DCUN1D4: variants seen among roughly 807,000 people sequenced by gnomAD.
DCUN1D4 encodes defective in cullin neddylation 1 domain containing 4, also known as DCN1-like protein 4.
Under a neutral mutation model 47.9 loss-of-function variants are expected in DCUN1D4, and 22 were observed. That is an observed-to-expected ratio of 0.46 (90% confidence interval 0.33 to 0.66). The LOEUF (loss-of-function observed/expected upper bound fraction) is 0.66, where lower values mean the gene tolerates loss of function less well. DCUN1D4 is among the 30% of genes least tolerant of loss of function. DCUN1D4 has a pLI of 0.02. For synonymous variants in DCUN1D4, 121 were observed against 112.2 expected (o/e 1.08, Z -0.50); for missense variants, 301 against 340.8 (o/e 0.88, Z 0.92).
chr4:51,842,137 ACCAAAATT>A (rs1374242059), upstream of DCUN1D4, among the ~76,000 whole-genome samples: 4 of 152,246 alleles, frequency 2.6e-5, no homozygotes, highest in Non-Finnish European at 5.9e-5. Flanking sequence ...AGAAGAATTC[ACCAAAATT>A]AACGTCTCCC....
chr4:51,910,995 G>A, intron 8 of DCUN1D4, 75 bp from the exon 9 acceptor site: 1 of 1,383,674 alleles, frequency 7.2e-7, no homozygotes, highest in Non-Finnish European at 1.0e-6. Context: ...CTGTTGAAGT[G>A]AATACACATT....
chr4:51,888,032 G>T (rs1451757606), intron 6 of DCUN1D4, among the ~76,000 whole-genome samples: 1 of 151,720 alleles, frequency 6.6e-6, no homozygotes, highest in Non-Finnish European at 1.5e-5. Context: ...CACAAGAAAA[G>T]ACCATTACAT....
At chr4:51,898,784 C>G (rs1314269167) in intron 7 of DCUN1D4, among the ~76,000 whole-genome samples, 1 of 152,162 alleles carries the variant, frequency 6.6e-6, no homozygotes. Context: ...CTTCTAGAGA[C>G]TAAGGAAATA....
rs1164858896 is a variant in DCUN1D4 at position 51,912,308 on chromosome 4, C to CT, written c.721-979dup. Reference sequence around the variant, plus strand: ...AAGACCTGGCCTGGAGGAAATCTGACTTTGTGTAATTCCAGGTGCATCATC... The same window carrying CT: ...AAGACCTGGCCTGGAGGAAATCTGACTTTTGTGTAATTCCAGGTGCATCATC... On this transcript the variant is annotated intron_variant, in intron 9 of 10. Coordinates refer to ENST00000334635, the MANE Select transcript of DCUN1D4 (RefSeq NM_001040402.3). Among the ~76,000 whole-genome samples, 5 of 152,250 alleles carry CT rather than the reference C, an allele frequency of 3.3e-5. No individual in the cohort carries two copies. The South Asian group carries it at 8.3e-4, about 25-fold the overall frequency.
chr4:51,900,460 G>A (rs567318585), intron 8 of DCUN1D4, among the ~76,000 whole-genome samples: 13 of 152,298 alleles, frequency 8.5e-5, no homozygotes, highest in Non-Finnish European at 1.5e-4. Context: ...CAGGCCAGAT[G>A]CAGTGGCTCA....
intron 1 of DCUN1D4, among the ~76,000 whole-genome samples, chr4:51,844,639 T>C (rs914164100): frequency 6.6e-6 from 1 of 150,986 alleles, no homozygotes; most frequent in Admixed American, 6.6e-5. Flanking sequence ...CTTAGAGGGA[T>C]GGCCGGGCCC....
upstream of DCUN1D4, among the ~76,000 whole-genome samples, chr4:51,840,767 G>A (rs1426463340): frequency 6.6e-6 from 1 of 152,260 alleles, no homozygotes; most frequent in East Asian, 1.9e-4. Flanking sequence ...AAATGACCAG[G>A]TAATATTTGC....
chr4:51,859,573 C>T (rs1350351090), intron 1 of DCUN1D4, among the ~76,000 whole-genome samples: 1 of 146,404 alleles, frequency 6.8e-6, no homozygotes, highest in Non-Finnish European at 1.5e-5. Context: ...TGGACTTTGA[C>T]CCCCTCAATG....
chr4:51,908,247 T>C (rs1733193060), intron 8 of DCUN1D4, among the ~76,000 whole-genome samples: 1 of 152,220 alleles, frequency 6.6e-6, no homozygotes, highest in South Asian at 2.1e-4. Flanking sequence ...GTTTGTATTA[T>C]TATTTGAAAA....
chr4:51,854,091 A>T (rs568316942), intron 1 of DCUN1D4, among the ~76,000 whole-genome samples: 1 of 152,338 alleles, frequency 6.6e-6, no homozygotes, highest in African/African-American at 2.4e-5. Flanking sequence ...GGTTTTTCCT[A>T]GATTTACAGT....
At chr4:51,838,646 GT>G (rs1721555589), upstream of DCUN1D4, among the ~76,000 whole-genome samples, 1 of 152,174 alleles carries the variant, frequency 6.6e-6, no homozygotes, top group African/African-American at 2.4e-5. Context: ...GCCTCCGAAA[GT>G]GCTGGGGTTT....
At chr4:51,903,324 G>C (rs959060637) in intron 8 of DCUN1D4, among the ~76,000 whole-genome samples, 3 of 152,156 alleles carry the variant, frequency 2.0e-5, no homozygotes, top group Admixed American at 1.3e-4. Flanking sequence ...CGGTACTGCA[G>C]TAATGTCTCT....
intron 5 of DCUN1D4, among the ~76,000 whole-genome samples, chr4:51,882,532 C>G (rs1482428141): frequency 6.6e-6 from 1 of 152,078 alleles, no homozygotes; most frequent in African/African-American, 2.4e-5. Flanking sequence ...CTTGGGGAGG[C>G]CGAGGCGGGC....
chr4:51,899,645 C>T (rs1731801219), intron 8 of DCUN1D4, among the ~76,000 whole-genome samples: 1 of 152,190 alleles, frequency 6.6e-6, no homozygotes, highest in Non-Finnish European at 1.5e-5. Flanking sequence ...ATGCAATACA[C>T]ACTGTCTTAA....
intron 5 of DCUN1D4, 41 bp from the exon 6 acceptor site, chr4:51,886,527 T>C (rs1224635085): frequency 3.2e-6 from 5 of 1,565,988 alleles, no homozygotes; most frequent in Non-Finnish European, 4.4e-6. Flanking sequence ...TAGTATGGTG[T>C]GCATGGTCAG....
chr4:51,890,422 C>T (rs551749302), intron 6 of DCUN1D4, among the ~76,000 whole-genome samples: 2 of 152,294 alleles, frequency 1.3e-5, no homozygotes, highest in South Asian at 2.1e-4. Context: ...CTGCCAGTGT[C>T]GGATATCCTA....
chr4:51,881,697 C>CTG (rs1728665137), intron 5 of DCUN1D4, among the ~76,000 whole-genome samples: 1 of 150,324 alleles, frequency 6.7e-6, no homozygotes, highest in Non-Finnish European at 1.5e-5. Context: ...AAAAACCTCT[C>CTG]TGTCTCAAAC....
At chr4:51,912,753 A>G (rs549216820) in intron 9 of DCUN1D4, among the ~76,000 whole-genome samples, 1 of 152,300 alleles carries the variant, frequency 6.6e-6, no homozygotes, top group South Asian at 2.1e-4. Flanking sequence ...AAGAACACCT[A>G]ATTTTGAGAC....
chr4:51,906,186 C>T (rs1193276506), intron 8 of DCUN1D4, among the ~76,000 whole-genome samples: 4 of 152,124 alleles, frequency 2.6e-5, no homozygotes, highest in Non-Finnish European at 5.9e-5. Flanking sequence ...CTGTCAGCCC[C>T]TCCATGTACT....
Sources: gnomAD v4.1 joint callset for allele counts (sites outside exome capture counted in the v4.1 genomes callset) on GRCh38, gnomAD v4.1.1 for gene constraint, MANE v1.5 for transcripts, NCBI Gene and HGNC (gene_info 2026-07-23, HGNC 2026-07-21) for gene names.